IGF1R: variants seen among roughly 807,000 people sequenced by gnomAD.
The protein encoded by IGF1R is insulin like growth factor 1 receptor.
In IGF1R, 44 loss-of-function variants were observed where a neutral mutation model predicts 144.6. That is an observed-to-expected ratio of 0.30 (90% CI 0.24 to 0.39). The LOEUF is 0.39. Among genes scored for constraint, IGF1R ranks in the 10% least tolerant of loss-of-function variants. IGF1R has a pLI of 1.00. For synonymous variants in IGF1R, 795 were observed against 722.8 expected (o/e 1.10, Z -1.60); for missense variants, 1,355 against 1,833.7 (o/e 0.74, Z 4.77).
At chr15:98,659,175 A>C (rs1359220234) in intron 1 of IGF1R, among the ~76,000 whole-genome samples, 1 of 152,256 alleles carries the variant, frequency 6.6e-6, no homozygotes, top group Non-Finnish European at 1.5e-5. Flanking sequence ...TAAATGTATA[A>C]TAAAACTTTA....
intron 5 of IGF1R, chr15:98,900,598 G>C (rs186562418): frequency 6.6e-6 from 1 of 152,254 alleles, no homozygotes; most frequent in African/African-American, 2.4e-5. Flanking sequence ...TAACGAGAGC[G>C]GGCAGCTCTT....
At chr15:98,775,890 C>T (rs1009314087) in intron 2 of IGF1R, among the ~76,000 whole-genome samples, 1 of 152,198 alleles carries the variant, frequency 6.6e-6, no homozygotes, top group Non-Finnish European at 1.5e-5. Flanking sequence ...AACCACTGGT[C>T]TATTAAACAA....
intron 20 of IGF1R, among the ~76,000 whole-genome samples, chr15:98,954,800 C>T (rs1349390330): frequency 1.3e-5 from 2 of 152,128 alleles, no homozygotes; most frequent in East Asian, 1.9e-4. Context: ...AATCATTTTT[C>T]TTAGGAAGTG....
At chr15:98,808,272 C>G (rs1273007265) in intron 2 of IGF1R, among the ~76,000 whole-genome samples, 1 of 152,150 alleles carries the variant, frequency 6.6e-6, no homozygotes, top group Non-Finnish European at 1.5e-5. Context: ...AGTGAAATAG[C>G]TCTTTATTAA....
rs1033936353 is a variant in IGF1R, at chr15:98,704,422, C to T, written c.95-3140C>T. 1.3e-5 allele frequency among the ~76,000 whole-genome samples: 2 copies of T among 151,864 alleles called. No individual in the cohort carries two copies. The highest frequency in any genetic ancestry group is 2.9e-5 in the Non-Finnish European group (2 of 67,990). ...GGCAGGGTATCACAGAGGAGGAGCT[C>T]GGTGTGTTGGAGGTTGGTGAGTCCC... On this transcript the variant is annotated intron_variant, in intron 1 of 20. Transcript: ENST00000650285. The surrounding 1 kb of genome is among the most constrained non-coding windows in gnomAD (Gnocchi z 4.9).
At chr15:98,860,289 A>G (rs2012077107) in intron 2 of IGF1R, among the ~76,000 whole-genome samples, 1 of 152,256 alleles carries the variant, frequency 6.6e-6, no homozygotes, top group African/African-American at 2.4e-5. Context: ...TAGTACAACA[A>G]TCCAAACCCT....
intron 7 of IGF1R, 149 bp downstream of exon 7, chr15:98,911,590 A>C: frequency 9.9e-7 from 1 of 1,008,432 alleles, no homozygotes; most frequent in Non-Finnish European, 1.5e-6. Context: ...CTTCATCCTC[A>C]TGCACCCTCT....
At chr15:98,845,612 C>T (rs971450854) in intron 2 of IGF1R, among the ~76,000 whole-genome samples, 1 of 148,574 alleles carries the variant, frequency 6.7e-6, no homozygotes, top group African/African-American at 2.5e-5. Flanking sequence ...TCTACCATTG[C>T]TGTCAGTTGA....
At chr15:98,903,214 C>T (rs1182658572) in intron 5 of IGF1R, among the ~76,000 whole-genome samples, 1 of 152,146 alleles carries the variant, frequency 6.6e-6, no homozygotes, top group East Asian at 1.9e-4. Context: ...TCTGGAAAAT[C>T]CCCTTGTTTG....
chr15:98,955,835 G>C (rs889462383), intron 20 of IGF1R, among the ~76,000 whole-genome samples: 2 of 152,262 alleles, frequency 1.3e-5, no homozygotes, highest in Non-Finnish European at 2.9e-5. Context: ...CACTGGGTGT[G>C]CTTTGAGTTT....
chr15:98,857,585 C>T (rs1021799862), intron 2 of IGF1R, among the ~76,000 whole-genome samples: 2 of 152,172 alleles, frequency 1.3e-5, no homozygotes, highest in East Asian at 1.9e-4. Flanking sequence ...AGTCTAGCAC[C>T]GTCCAGTGGA....
intron 2 of IGF1R, among the ~76,000 whole-genome samples, chr15:98,746,272 T>G (rs2054862878): frequency 1.3e-5 from 2 of 152,110 alleles, no homozygotes; most frequent in Non-Finnish European, 1.5e-5. Flanking sequence ...GGTATGGGAG[T>G]GACACACCTC....
intron 10 of IGF1R, among the ~76,000 whole-genome samples, 182 bp from the exon 11 acceptor site, chr15:98,921,966 A>G (rs1221712026): frequency 6.6e-6 from 1 of 152,170 alleles, no homozygotes; most frequent in East Asian, 1.9e-4. Context: ...TGACACTTGC[A>G]GAGTAGAGAA....
intron 2 of IGF1R, among the ~76,000 whole-genome samples, chr15:98,872,850 A>C (rs1016534816): frequency 2.1e-5 from 3 of 144,692 alleles, no homozygotes; most frequent in African/African-American, 7.2e-5. Context: ...AATTAAAAAA[A>C]AAAACAAAAC....
intron 2 of IGF1R, among the ~76,000 whole-genome samples, chr15:98,794,891 A>G (rs1353513328): frequency 6.6e-6 from 1 of 152,122 alleles, no homozygotes; most frequent in Non-Finnish European, 1.5e-5. Flanking sequence ...TGAGTCTTCA[A>G]CCTTGTTTTG....
intron 2 of IGF1R, among the ~76,000 whole-genome samples, chr15:98,748,789 A>G (rs928565283): frequency 6.6e-6 from 1 of 152,224 alleles, no homozygotes; most frequent in Non-Finnish European, 1.5e-5. Context: ...CTTCACTGCA[A>G]ACATTTAGTT....
chr15:98,666,408 G>A (rs1169559295), intron 1 of IGF1R, among the ~76,000 whole-genome samples: 5 of 151,984 alleles, frequency 3.3e-5, no homozygotes, highest in Non-Finnish European at 5.9e-5. Context: ...TGAAAGCAGG[G>A]GCTCGAACAG....
intron 2 of IGF1R, among the ~76,000 whole-genome samples, chr15:98,877,758 A>G (rs943176251): frequency 1.3e-5 from 2 of 152,180 alleles, no homozygotes; most frequent in South Asian, 2.1e-4. Flanking sequence ...TTCCACAGGT[A>G]GTGCAAAAAA....
chr15:98,656,616 G>GT (rs943606423), intron 1 of IGF1R, among the ~76,000 whole-genome samples: 26 of 149,984 alleles, frequency 1.7e-4, no homozygotes, highest in East Asian at 7.8e-4. Flanking sequence ...TTTTTTTTTT[G>GT]TTTTTTTGCA....
Sources: gnomAD v4.1 joint callset for allele counts (sites outside exome capture counted in the v4.1 genomes callset) on GRCh38, gnomAD v4.1.1 for gene constraint, Gnocchi (gnomAD v3.1) non-coding constraint, MANE v1.5 for transcripts, NCBI Gene and HGNC (gene_info 2026-07-23, HGNC 2026-07-21) for gene names.